Variants in NFU1 observed in about 807,000 individuals in gnomAD.
The protein encoded by NFU1 is NFU1 iron-sulfur cluster scaffold, also known as NFU1 iron-sulfur cluster scaffold homolog, mitochondrial.
NFU1 carries 30 observed loss-of-function variants against 32.2 expected under a neutral mutation model. That is an observed-to-expected ratio of 0.93 (90% CI 0.70 to 1.26). The LOEUF is 1.26. Ranked by LOEUF, NFU1 falls within the 50% of genes most tolerant of loss-of-function variation. The pLI, the probability that NFU1 is intolerant of heterozygous loss-of-function variation, is 0.00. For synonymous variants in NFU1, 112 were observed against 104.6 expected (o/e 1.07, Z -0.43); for missense variants, 306 against 306.6 (o/e 1.00, Z 0.02).
intron 4 of NFU1, among the ~76,000 whole-genome samples, chr2:69,415,660 A>T (rs1277382822): frequency 6.6e-6 from 1 of 152,206 alleles, no homozygotes; most frequent in African/African-American, 2.4e-5. Flanking sequence ...ACTTAGTAAA[A>T]AAGGCAATTT....
intron 5 of NFU1, 144 bp from the exon 6 acceptor site, chr2:69,406,226 T>C (rs184179553): frequency 6.6e-6 from 4 of 608,394 alleles, no homozygotes; most frequent in Admixed American, 6.1e-5. Flanking sequence ...TATGGAGATA[T>C]ATTTTGGGAA....
rs1003233083 is a variant in NFU1 at position 69,437,207 on chromosome 2, C to G, written c.62+154G>C. ...CGCCGAGCTCCCGCACAGACAGCCT[C>G]AGGGCTCACCCCCAACTACGGCGAC... On this transcript the variant is annotated intron_variant, in intron 1 of 7. Coordinates refer to ENST00000410022, the MANE Select transcript of NFU1 (RefSeq NM_001002755.4). 35 of 1,450,886 alleles carry G rather than the reference C, an allele frequency of 2.4e-5. No homozygotes were observed. The African/African-American group carries it at 4.3e-4, about 18-fold the overall frequency. 89.9% of individuals were successfully genotyped at this position (1,450,886 alleles called of 1,614,324 possible). A position where few individuals can be genotyped will look rare whatever the true frequency, so the allele number is the denominator to read the frequency against.
chr2:69,421,330 G>T (rs1278189508), intron 3 of NFU1, among the ~76,000 whole-genome samples: 1 of 151,776 alleles, frequency 6.6e-6, no homozygotes, highest in African/African-American at 2.4e-5. Context: ...TTTTAAAAAC[G>T]ATTCCAGAGC....
At chr2:69,396,485 C>A (rs564338924) in intron 7 of NFU1, among the ~76,000 whole-genome samples, 195 bp from the exon 8 acceptor site, 1 of 152,152 alleles carries the variant, frequency 6.6e-6, no homozygotes, top group Admixed American at 6.6e-5. Context: ...ATAAAAGCAA[C>A]CCCATCTCTA....
intron 6 of NFU1, among the ~76,000 whole-genome samples, chr2:69,404,615 A>ATTTTTTTTTTTTTTTTTTTC (rs1672636311): frequency 1.4e-5 from 1 of 73,010 alleles, no homozygotes; most frequent in African/African-American, 6.3e-5. Context: ...ATCTTAGCAA[A>ATTTTTTTTTTTTTTTTTTTC]TTTTTTTTTT....
intron 7 of NFU1, among the ~76,000 whole-genome samples, chr2:69,398,069 C>A (rs145341959): frequency 5.3e-5 from 8 of 152,056 alleles, no homozygotes; most frequent in Non-Finnish European, 1.0e-4. Flanking sequence ...AATACCCAAT[C>A]CAAAAAATTT....
intron 3 of NFU1, among the ~76,000 whole-genome samples, chr2:69,423,072 G>GC (rs1189465228): frequency 1.3e-5 from 2 of 151,800 alleles, no homozygotes; most frequent in African/African-American, 4.8e-5. Context: ...AACCTCCCAG[G>GC]CTCAAGCGAT....
chr2:69,431,731 A>G (rs1328170574), intron 2 of NFU1, among the ~76,000 whole-genome samples, 171 bp downstream of exon 2: 1 of 151,368 alleles, frequency 6.6e-6, no homozygotes, highest in Non-Finnish European at 1.5e-5. Context: ...CCTTGCAAAT[A>G]CATTTTCTAC....
chr2:69,433,940 GTTT>G (rs57285184), intron 1 of NFU1, among the ~76,000 whole-genome samples: 49 of 139,936 alleles, frequency 3.5e-4, no homozygotes, highest in African/African-American at 1.1e-3. Flanking sequence ...TGCCCAGCTA[GTTT>G]TTTTTTTTTT....
At chr2:69,409,131 C>T (rs907934375) in intron 5 of NFU1, among the ~76,000 whole-genome samples, 1 of 151,850 alleles carries the variant, frequency 6.6e-6, no homozygotes, top group East Asian at 1.9e-4. Flanking sequence ...CGTTAGCCAC[C>T]GCACCCAACC....
intron 5 of NFU1, among the ~76,000 whole-genome samples, chr2:69,413,057 G>A (rs566974839): frequency 6.6e-6 from 1 of 151,586 alleles, no homozygotes; most frequent in African/African-American, 2.4e-5. Context: ...CACTTTGGGA[G>A]GCTGAGGCAG....
At chr2:69,401,880 ACTT>A (rs1672532270) in intron 6 of NFU1, among the ~76,000 whole-genome samples, 1 of 146,612 alleles carries the variant, frequency 6.8e-6, no homozygotes, top group African/African-American at 2.6e-5. Flanking sequence ...TTTAGTGGCT[ACTT>A]GATTATCTTT....
upstream of NFU1, among the ~76,000 whole-genome samples, chr2:69,437,976 A>G (rs1182182455): frequency 6.6e-6 from 1 of 152,208 alleles, no homozygotes; most frequent in Non-Finnish European, 1.5e-5. Context: ...CAGAGGATGT[A>G]TCTGGTACAG....
chr2:69,434,919 G>A (rs750705162), intron 1 of NFU1, among the ~76,000 whole-genome samples: 18 of 152,262 alleles, frequency 1.2e-4, no homozygotes, highest in African/African-American at 1.9e-4. Context: ...ATAGGGGTGC[G>A]GAAAATGATC....
intron 2 of NFU1, among the ~76,000 whole-genome samples, chr2:69,429,710 T>C (rs1288836515): frequency 2.0e-5 from 3 of 151,984 alleles, no homozygotes; most frequent in African/African-American, 7.3e-5. Context: ...TTTTTACTGT[T>C]GACAATAAAT....
At chr2:69,422,979 A>G (rs1445319905) in intron 3 of NFU1, among the ~76,000 whole-genome samples, 2 of 148,726 alleles carry the variant, frequency 1.3e-5, no homozygotes, top group African/African-American at 5.0e-5. Flanking sequence ...CCTCCTCAAC[A>G]TTTTTGGGTT....
intron 5 of NFU1, among the ~76,000 whole-genome samples, chr2:69,413,338 T>TAAA (rs199601356): frequency 7.3e-6 from 1 of 137,134 alleles, no homozygotes; most frequent in Admixed American, 7.3e-5. Flanking sequence ...AACATACGGG[T>TAAA]AAAAAAAAAA....
intron 1 of NFU1, among the ~76,000 whole-genome samples, chr2:69,432,392 T>C (rs139215799): frequency 0.012 from 1,788 of 152,172 alleles, 32 homozygotes; most frequent in African/African-American, 0.041. Context: ...CTGACCAACA[T>C]GGAGAAACCC....
intron 1 of NFU1, among the ~76,000 whole-genome samples, chr2:69,432,210 G>T (rs915240276): frequency 2.0e-5 from 3 of 152,116 alleles, no homozygotes; most frequent in South Asian, 4.1e-4. Context: ...TCAAAATCAG[G>T]TAGAGCTCAA....
Sources: allele counts gnomAD v4.1 joint callset (sites outside exome capture counted in the v4.1 genomes callset), GRCh38; gene constraint gnomAD v4.1.1; transcripts MANE v1.5; gene names NCBI Gene and HGNC (gene_info 2026-07-23, HGNC 2026-07-21).